The following NCAM2 variants were observed in gnomAD, a reference collection of about 807,000 sequenced individuals.
NCAM2 encodes N-CAM-2.
A neutral mutation model predicts 98.1 loss-of-function variants in NCAM2; 30 were observed. The observed-to-expected ratio is 0.31, with a 90% CI of 0.23 to 0.41. NCAM2 has a LOEUF of 0.41. NCAM2 is among the 10% of genes least tolerant of loss of function. NCAM2 has a pLI of 1.00. For synonymous variants in NCAM2, 368 were observed against 342.4 expected (o/e 1.07, Z -0.83); for missense variants, 867 against 1,005.8 (o/e 0.86, Z 1.87).
chr21:21,205,643 A>G (rs1272632644), intron 1 of NCAM2, among the ~76,000 whole-genome samples: 1 of 152,078 alleles, frequency 6.6e-6, no homozygotes, highest in Non-Finnish European at 1.5e-5. Flanking sequence ...AATTTTTTTT[A>G]AGGAAAAACT....
intron 15 of NCAM2, among the ~76,000 whole-genome samples, chr21:21,488,288 TATA>T (rs1986562802): frequency 6.6e-6 from 1 of 152,032 alleles, no homozygotes; most frequent in Non-Finnish European, 1.5e-5. Flanking sequence ...TATAATTAAT[TATA>T]ATATTTTCTG....
chr21:21,318,587 A>G (rs2074286427), intron 5 of NCAM2, among the ~76,000 whole-genome samples: 1 of 152,192 alleles, frequency 6.6e-6, no homozygotes, highest in Non-Finnish European at 1.5e-5. Flanking sequence ...AAAATAATCC[A>G]ATGTTAGTAT....
At chr21:21,473,582 A>G (rs1233120785) in intron 14 of NCAM2, among the ~76,000 whole-genome samples, 2 of 151,820 alleles carry the variant, frequency 1.3e-5, no homozygotes, top group Admixed American at 1.3e-4. Context: ...CATGAGAGTC[A>G]GAAGAATCAA....
chr21:21,236,893 TGGACGTTTA>T (rs2147215138), intron 1 of NCAM2, among the ~76,000 whole-genome samples: 1 of 152,252 alleles, frequency 6.6e-6, no homozygotes, highest in African/African-American at 2.4e-5. Flanking sequence ...TCGGCAGAGT[TGGACGTTTA>T]GGATAGAAAA....
chr21:21,529,586 A>G (rs1229882175), intron 16 of NCAM2, among the ~76,000 whole-genome samples: 2 of 151,932 alleles, frequency 1.3e-5, no homozygotes, highest in Non-Finnish European at 2.9e-5. Context: ...TTCTAAACTA[A>G]TCATTCTCGA....
intron 1 of NCAM2, among the ~76,000 whole-genome samples, chr21:21,019,281 TA>T (rs899107598): frequency 2.6e-5 from 4 of 152,234 alleles, no homozygotes; most frequent in African/African-American, 9.6e-5. Flanking sequence ...AACTTTTTGA[TA>T]ATTATACCTG....
chr21:21,237,487 A>G (rs950430410), intron 1 of NCAM2, among the ~76,000 whole-genome samples: 1 of 152,068 alleles, frequency 6.6e-6, no homozygotes, highest in African/African-American at 2.4e-5. Flanking sequence ...TTATTTTTCT[A>G]TGAATTAGGA....
intron 8 of NCAM2, among the ~76,000 whole-genome samples, chr21:21,355,292 G>A (rs989436368): frequency 6.6e-5 from 10 of 151,316 alleles, no homozygotes; most frequent in Non-Finnish European, 5.9e-5. Flanking sequence ...AAAATTAGCC[G>A]AGCCTGGTGG....
chr21:21,219,099 G>T (rs942848908), intron 1 of NCAM2, among the ~76,000 whole-genome samples: 5 of 152,156 alleles, frequency 3.3e-5, no homozygotes, highest in Non-Finnish European at 7.3e-5. Context: ...AGCCCAGGAT[G>T]GCTTTGAATG....
intron 2 of NCAM2, 133 bp downstream of exon 2, chr21:21,280,785 G>A: frequency 1.7e-6 from 1 of 583,210 alleles, no homozygotes; most frequent in East Asian, 3.3e-5. Flanking sequence ...TTTTGTTTTT[G>A]TTTTTGTTGT....
chr21:21,361,863 C>A (rs1253900066), intron 8 of NCAM2, among the ~76,000 whole-genome samples: 2 of 151,986 alleles, frequency 1.3e-5, no homozygotes, highest in South Asian at 2.1e-4. Context: ...ACATCTTTGG[C>A]TTTTATTTAT....
At chr21:21,367,616 A>C (rs2075818975) in intron 8 of NCAM2, among the ~76,000 whole-genome samples, 1 of 152,042 alleles carries the variant, frequency 6.6e-6, no homozygotes, top group South Asian at 2.1e-4. Context: ...ACAATGAAAT[A>C]GATGGGTGTA....
intron 1 of NCAM2, among the ~76,000 whole-genome samples, chr21:21,162,414 G>T (rs1276504752): frequency 6.6e-6 from 1 of 152,080 alleles, no homozygotes; most frequent in East Asian, 1.9e-4. Context: ...AATGTTTGCT[G>T]ATTCACCAGG....
chr21:21,488,029 C>A (rs180972144), intron 15 of NCAM2, among the ~76,000 whole-genome samples: 1 of 152,036 alleles, frequency 6.6e-6, no homozygotes, highest in East Asian at 1.9e-4. Flanking sequence ...TATACATGAA[C>A]AAGATTGAAA....
In NCAM2 at chr21:21,163,800, AG is replaced by A. The variant is rs546999127; in HGVS notation, c.56-116777del. Among the ~76,000 whole-genome samples the A allele has an allele frequency of 1.1e-4, 17 of 152,340 alleles. No individual in the cohort carries two copies. In the East Asian group the frequency reaches 3.1e-3, roughly 28 times the overall value. On this transcript the variant is annotated intron_variant, in intron 1 of 17. Transcript: ENST00000400546. ...TTTTTCAGATAAACAAATTGAAGTG[AG>A]AAAAACTTAAGTAAATACAAAAGTT...
chr21:21,222,521 C>A (rs2070211404), intron 1 of NCAM2, among the ~76,000 whole-genome samples: 1 of 152,066 alleles, frequency 6.6e-6, no homozygotes, highest in Non-Finnish European at 1.5e-5. Context: ...TCATGGAGGA[C>A]TTGAGAGGTT....
Position 21,538,822 on chromosome 21 carries a change from T to A in NCAM2, c.*865T>A, listed in dbSNP as rs1990115814. 1 of 152,142 alleles carries A rather than the reference T, an allele frequency of 6.6e-6. No individual in the cohort carries two copies. The highest frequency in any genetic ancestry group is 6.5e-5 in the Admixed American group (1 of 15,270). The allele number at this position is 152,142 out of a possible 1,614,324, so 9.4% of individuals were successfully genotyped here. A position where few individuals can be genotyped will look rare whatever the true frequency, so the allele number is the denominator to read the frequency against. The stretch of plus-strand genomic sequence containing the variant: ...TTATAAATATGTGATTATCATTTAT[T>A]TTTAAAATAATTTATCAAAAAACAA... On this transcript the variant is annotated 3_prime_UTR_variant, in exon 18 of 18. Coordinates refer to ENST00000400546, the MANE Select transcript of NCAM2 (RefSeq NM_004540.5).
chr21:21,346,208 C>CAAA (rs57663409), intron 8 of NCAM2, among the ~76,000 whole-genome samples: 13 of 112,512 alleles, frequency 1.2e-4, no homozygotes, highest in South Asian at 2.7e-4. Context: ...CAACTGAAAC[C>CAAA]AAAAAAAAAA....
intron 16 of NCAM2, among the ~76,000 whole-genome samples, chr21:21,522,387 A>G (rs1295063669): frequency 6.6e-6 from 1 of 150,648 alleles, no homozygotes; most frequent in African/African-American, 2.4e-5. Context: ...ATGGAGGAAA[A>G]ATAAGTTTTA....
Sources: allele counts gnomAD v4.1 joint callset (sites outside exome capture counted in the v4.1 genomes callset), GRCh38; gene constraint gnomAD v4.1.1; transcripts MANE v1.5; gene names NCBI Gene and HGNC (gene_info 2026-07-23, HGNC 2026-07-21).